KIF13B: variants seen among roughly 807,000 people sequenced by gnomAD.
KIF13B encodes the protein kinesin family member 13B, also known as kinesin-like protein KIF13B.
A neutral mutation model predicts 222.0 loss-of-function variants in KIF13B; 127 were observed. The ratio of observed to expected loss-of-function variants is 0.57; its 90% CI spans 0.50 to 0.66. The LOEUF (loss-of-function observed/expected upper bound fraction) is 0.66. Ranked by LOEUF, KIF13B falls within the 30% of genes least tolerant of loss-of-function variation. The pLI is 0.00. For missense variants in KIF13B, 2,173 were observed against 2,379.0 expected, an observed-to-expected ratio of 0.91 and a Z score of 1.80; for synonymous variants, 976 against 919.0, an observed-to-expected ratio of 1.06 and a Z score of -1.12.
At chr8:29,246,862 T>G (rs1816050037) in intron 1 of KIF13B, among the ~76,000 whole-genome samples, 1 of 152,174 alleles carries the variant, frequency 6.6e-6, no homozygotes, top group African/African-American at 2.4e-5. Flanking sequence ...AAGAATAGTC[T>G]TTTCAACAAA....
chr8:29,150,596 C>T (rs752143648), intron 14 of KIF13B, among the ~76,000 whole-genome samples: 6 of 152,168 alleles, frequency 3.9e-5, no homozygotes, highest in Admixed American at 6.5e-5. Context: ...CATTTTACTG[C>T]GCTTTGCTTT....
rs557786930 is a variant in KIF13B at position 29,215,405 on chromosome 8, C to T, written c.150-19206G>A. Among the ~76,000 whole-genome samples the T allele has an allele frequency of 7.2e-5, 11 of 152,212 alleles. No homozygotes were observed. In the East Asian group the frequency reaches 2.1e-3, roughly 29 times the overall value. ...GAACCAACTCTATAGAACAGTATGC[C>T]GACCAGGTGTGGTGGCTCACAACTA... On this transcript the variant is annotated intron_variant, in intron 2 of 39. Transcript: ENST00000524189.
intron 29 of KIF13B, 32 bp downstream of exon 29, chr8:29,122,559 G>C: frequency 6.4e-7 from 1 of 1,574,166 alleles, no homozygotes; most frequent in Non-Finnish European, 8.7e-7. Flanking sequence ...AATTTTCAGA[G>C]GTAAGCCTTC....
At chr8:29,143,421 G>T (rs977141118) in intron 18 of KIF13B, among the ~76,000 whole-genome samples, 1 of 152,222 alleles carries the variant, frequency 6.6e-6, no homozygotes, top group African/African-American at 2.4e-5. Flanking sequence ...CACCCACGTG[G>T]AAGCAATTAA....
intron 37 of KIF13B, among the ~76,000 whole-genome samples, chr8:29,078,696 A>G (rs1807677257): frequency 6.6e-6 from 1 of 152,244 alleles, no homozygotes; most frequent in African/African-American, 2.4e-5. Flanking sequence ...GCAAGTGAAT[A>G]TGAGTATAAT....
Position 29,167,356 on chromosome 8 carries a change from G to A in KIF13B, c.1158+17C>T, listed in dbSNP as rs566941053. The A allele has an allele frequency of 3.0e-5, 48 of 1,597,030 alleles. 1 individual carries two copies. Among genetic ancestry groups the A allele is most frequent in the Admixed American group, 1.0e-4 (6 of 59,706 alleles). ...CTCTTCCTGGACTCACAGGGCGCAC[G>A]CGGTGGTGCCTCCTACCTCTGCTTT... On this transcript the variant is annotated intron_variant, in intron 11 of 39. Transcript: ENST00000524189.
chr8:29,121,978 G>T (rs1296823920), intron 29 of KIF13B, among the ~76,000 whole-genome samples: 9 of 152,298 alleles, frequency 5.9e-5, no homozygotes, highest in Non-Finnish European at 1.0e-4. Flanking sequence ...GAAGAAGCCG[G>T]GCGCAGTGGC....
intron 8 of KIF13B, 107 bp from the exon 9 acceptor site, chr8:29,177,685 T>C (rs1216217879): frequency 3.9e-6 from 3 of 766,012 alleles, no homozygotes; most frequent in Non-Finnish European, 7.0e-6. Context: ...GAGGATCACC[T>C]GAGCCCAGGA....
At chr8:29,220,460 C>G (rs775922166) in intron 2 of KIF13B, among the ~76,000 whole-genome samples, 1 of 152,052 alleles carries the variant, frequency 6.6e-6, no homozygotes, top group East Asian at 1.9e-4. Context: ...GTTCTGTTAA[C>G]TGAACACTAC....
chr8:29,177,199 ACT>A (rs1029978418), intron 9 of KIF13B, among the ~76,000 whole-genome samples: 15 of 150,958 alleles, frequency 9.9e-5, no homozygotes, highest in African/African-American at 3.4e-4. Context: ...GCGGCTAGAC[ACT>A]CTACAAAGCA....
At chr8:29,133,376 G>A (rs1810428567) in intron 22 of KIF13B, among the ~76,000 whole-genome samples, 4 of 152,192 alleles carry the variant, frequency 2.6e-5, no homozygotes, top group South Asian at 2.1e-4. Flanking sequence ...ATCATTTGAG[G>A]TCAGGAGTTT....
intron 2 of KIF13B, among the ~76,000 whole-genome samples, chr8:29,215,336 A>G (rs1221833022): frequency 6.6e-6 from 1 of 152,160 alleles, no homozygotes; most frequent in African/African-American, 2.4e-5. Context: ...TGTCTTAGAG[A>G]AGAAAAAATA....
chr8:29,237,001 G>A (rs753305644), intron 2 of KIF13B, among the ~76,000 whole-genome samples: 3 of 151,956 alleles, frequency 2.0e-5, no homozygotes, highest in Admixed American at 6.6e-5. Flanking sequence ...CTAAGGATTG[G>A]TAAAGATTAA....
At position 29,072,029 on chromosome 8, in the gene KIF13B, G is replaced by A. The variant is rs749769134; in HGVS notation, c.4809C>T (p.Pro1603=). 1.1e-5 allele frequency: 14 copies of A among 1,295,720 alleles called. No individual in the cohort carries two copies. Among genetic ancestry groups the A allele is most frequent in the African/African-American group, 4.7e-5 (3 of 64,374 alleles). The allele number at this position is 1,295,720 out of a possible 1,614,324, so 80.3% of individuals were successfully genotyped here. Residue 1603 remains proline (P), a synonymous_variant, in exon 39 of 40, where the codon CCC becomes CCT. Transcript: ENST00000524189. ...GSMPTAPEAE[P]EAPISHPPPP... ...GTGGGGGGTGGCTGATGGGCGCCTC[G>A]GGCTCGGCCTCAGGGGCGGTGGGCA...
At chr8:29,128,053 A>G (rs1810193524) in intron 24 of KIF13B, among the ~76,000 whole-genome samples, 1 of 150,254 alleles carries the variant, frequency 6.7e-6, no homozygotes, top group Non-Finnish European at 1.5e-5. Flanking sequence ...AGTATCAGTA[A>G]ATATATCAGT....
In KIF13B at chr8:29,140,630, T is replaced by C. The variant is rs538337354; in HGVS notation, c.2335-13A>G. 4 of 1,603,932 alleles carry C rather than the reference T, an allele frequency of 2.5e-6. No individual in the cohort carries two copies. In the African/African-American group the frequency reaches 4.0e-5, roughly 16 times the overall value. ...ATGATCGTATTACCTGTAAAGAGATTGAGAACACACAACTTCAGAAAAACC... is the reference window on the plus strand; with the variant it reads ...ATGATCGTATTACCTGTAAAGAGATCGAGAACACACAACTTCAGAAAAACC... On this transcript the variant is annotated splice_polypyrimidine_tract_variant and intron_variant, in intron 19 of 39. Transcript: ENST00000524189.
intron 36 of KIF13B, among the ~76,000 whole-genome samples, chr8:29,097,811 A>G (rs1808602660): frequency 6.6e-6 from 1 of 152,210 alleles, no homozygotes; most frequent in African/African-American, 2.4e-5. Context: ...CAAAACAGAT[A>G]ATACAAATTA....
At chr8:29,181,867 G>A in intron 7 of KIF13B, 52 bp downstream of exon 7, 1 of 1,217,966 alleles carries the variant, frequency 8.2e-7, no homozygotes, top group Non-Finnish European at 1.2e-6. Flanking sequence ...AAAAAAAAGA[G>A]CCCCACCCTA....
At chr8:29,117,835 C>T (rs1809673485) in intron 30 of KIF13B, among the ~76,000 whole-genome samples, 1 of 152,148 alleles carries the variant, frequency 6.6e-6, no homozygotes, top group African/African-American at 2.4e-5. Flanking sequence ...AAGATGTCAC[C>T]ACACTGCTTT....
Sources: allele counts gnomAD v4.1 joint callset (sites outside exome capture counted in the v4.1 genomes callset), GRCh38; gene constraint gnomAD v4.1.1; transcripts MANE v1.5; gene names NCBI Gene and HGNC (gene_info 2026-07-23, HGNC 2026-07-21).